Variants in ANXA8 observed in about 807,000 individuals in gnomAD.
ANXA8 encodes VAC-beta.
A neutral mutation model predicts 26.8 loss-of-function variants in ANXA8; 9 were observed. The ratio of observed to expected loss-of-function variants is 0.34; its 90% CI spans 0.20 to 0.59. The LOEUF (loss-of-function observed/expected upper bound fraction) is 0.59. Ranked by LOEUF, ANXA8 falls within the 20% of genes least tolerant of loss-of-function variation. The pLI, the probability that ANXA8 is intolerant of heterozygous loss-of-function variation, is 0.84. For synonymous variants in ANXA8, 39 were observed against 94.8 expected (o/e 0.41, Z 3.42); for missense variants, 83 against 238.5 (o/e 0.35, Z 4.29).
At chr10:47,633,703 T>A in the ANXA8 span, among the ~76,000 whole-genome samples, 9 of 140,190 alleles carry the variant, frequency 6.4e-5, no homozygotes, top group African/African-American at 2.6e-4. Flanking sequence ...CAACTACAAA[T>A]GGCCCCTCAG....
chr10:47,603,012 A>T, the ANXA8 span, among the ~76,000 whole-genome samples: 1 of 111,984 alleles, frequency 8.9e-6, no homozygotes, highest in Non-Finnish European at 1.7e-5. Flanking sequence ...AACCATGGAT[A>T]CTATAAAGGA....
At chr10:47,717,564 A>G in the ANXA8 span, among the ~76,000 whole-genome samples, 1 of 128,608 alleles carries the variant, frequency 7.8e-6, no homozygotes, top group Non-Finnish European at 1.6e-5. Context: ...TACCGCCAGC[A>G]GAATTTCAGT....
At chr10:47,565,246 G>A in the ANXA8 span, 1 of 582,910 alleles carries the variant, frequency 1.7e-6, no homozygotes, top group Middle Eastern at 4.5e-4. Context: ...GGGCCCCACT[G>A]CCATGGCTGC....
the ANXA8 span, among the ~76,000 whole-genome samples, chr10:47,891,151 TATTA>T: frequency 7.2e-6 from 1 of 139,478 alleles, no homozygotes; most frequent in African/African-American, 2.6e-5. Context: ...AAAAGGAACA[TATTA>T]ATTAAAATTT....
the ANXA8 span, among the ~76,000 whole-genome samples, chr10:47,873,219 CA>C: frequency 1.4e-4 from 20 of 138,362 alleles, no homozygotes; most frequent in Admixed American, 3.5e-4. Flanking sequence ...GGGCATTTAG[CA>C]CGTCCTAGAG....
the ANXA8 span, among the ~76,000 whole-genome samples, chr10:47,566,357 T>C: frequency 6.6e-6 from 1 of 150,482 alleles, no homozygotes; most frequent in Admixed American, 6.6e-5. Context: ...CTGCCGAGCT[T>C]TCGTGAACTT....
the ANXA8 span, among the ~76,000 whole-genome samples, chr10:47,596,989 C>A: frequency 1.3e-5 from 2 of 148,948 alleles, 1 homozygote; most frequent in African/African-American, 5.2e-5. Flanking sequence ...ATCTGATGAA[C>A]ATAGATGAAA....
chr10:47,733,191 T>TTCTCTCTCTCTCTCTC, the ANXA8 span, among the ~76,000 whole-genome samples: 1 of 106,526 alleles, frequency 9.4e-6, no homozygotes, highest in African/African-American at 3.3e-5. Flanking sequence ...CTTTCTTTCT[T>TTCTCTCTCTCTCTCTC]TCTTTCTTTC....
chr10:47,666,712 A>C, the ANXA8 span, among the ~76,000 whole-genome samples: 2 of 151,072 alleles, frequency 1.3e-5, no homozygotes, highest in African/African-American at 4.9e-5. Flanking sequence ...TTTTAATCTT[A>C]ATTTTTTTTC....
the ANXA8 span, chr10:47,689,699 C>T: frequency 7.4e-7 from 1 of 1,345,772 alleles, no homozygotes; most frequent in African/African-American, 1.5e-5. Context: ...TCATTTTTAT[C>T]AGAAATCATG....
the ANXA8 span, among the ~76,000 whole-genome samples, chr10:47,693,218 C>T: frequency 2.0e-5 from 3 of 151,372 alleles, no homozygotes; most frequent in Non-Finnish European, 4.4e-5. Flanking sequence ...GATAGTCCTA[C>T]CAAATAGTTT....
the ANXA8 span, among the ~76,000 whole-genome samples, chr10:47,679,885 TC>T: frequency 6.6e-6 from 1 of 152,176 alleles, no homozygotes; most frequent in African/African-American, 2.4e-5. Context: ...GCCACTGCAC[TC>T]CAGCATGGGA....
chr10:47,513,591 C>G, the ANXA8 span, among the ~76,000 whole-genome samples: 1 of 140,136 alleles, frequency 7.1e-6, no homozygotes, highest in Non-Finnish European at 1.5e-5. Context: ...CAAAACTAAG[C>G]AAAAACAACA....
chr10:47,768,012 G>T, the ANXA8 span, among the ~76,000 whole-genome samples: 4 of 149,342 alleles, frequency 2.7e-5, no homozygotes, highest in Non-Finnish European at 5.9e-5. Flanking sequence ...GAGCTGAGCC[G>T]GCGTTGGCAT....
At chr10:47,599,057 T>C in the ANXA8 span, among the ~76,000 whole-genome samples, 1 of 146,878 alleles carries the variant, frequency 6.8e-6, no homozygotes, top group Non-Finnish European at 1.5e-5. Flanking sequence ...TAATTTTTTA[T>C]TTCATTCCTA....
At chr10:47,721,212 C>T in the ANXA8 span, among the ~76,000 whole-genome samples, 1 of 141,634 alleles carries the variant, frequency 7.1e-6, no homozygotes, top group South Asian at 2.2e-4. Context: ...GTTAAGGCCC[C>T]TCAAAAGTAT....
chr10:47,680,728 C>G, the ANXA8 span, among the ~76,000 whole-genome samples: 2 of 151,760 alleles, frequency 1.3e-5, no homozygotes, highest in Non-Finnish European at 2.9e-5. Flanking sequence ...CTTGTACTTA[C>G]CAGCTGAATA....
At chr10:47,564,971 T>C in the ANXA8 span, 15 of 1,189,632 alleles carry the variant, frequency 1.3e-5, no homozygotes, top group Non-Finnish European at 1.5e-5. Context: ...AGCCAAGCTG[T>C]CCAGCTGCCA....
the ANXA8 span, among the ~76,000 whole-genome samples, chr10:47,707,347 A>G: frequency 3.5e-5 from 5 of 143,054 alleles, no homozygotes; most frequent in Admixed American, 2.8e-4. Context: ...AGCAATTGCA[A>G]CAAAACCAAA....
Sources: gnomAD v4.1 joint callset for allele counts (sites outside exome capture counted in the v4.1 genomes callset) on GRCh38, gnomAD v4.1.1 for gene constraint, MANE v1.5 for transcripts, NCBI Gene and HGNC (gene_info 2026-07-23, HGNC 2026-07-21) for gene names.